WWP2: variants seen among roughly 807,000 people sequenced by gnomAD.
WWP2 encodes NEDD4-like E3 ubiquitin-protein ligase WWP2.
In WWP2, 57 loss-of-function variants were observed where a neutral mutation model predicts 121.0. The ratio of observed to expected loss-of-function variants is 0.47; its 90% CI spans 0.38 to 0.59. The LOEUF (loss-of-function observed/expected upper bound fraction) is 0.59, where lower values mean the gene tolerates loss of function less well. Ranked by LOEUF, WWP2 falls within the 20% of genes least tolerant of loss-of-function variation. The pLI is 0.00. For missense variants in WWP2, 962 were observed against 1,158.9 expected (o/e 0.83, Z 2.47); for synonymous variants, 449 against 441.3 (o/e 1.02, Z -0.22).
chr16:69,841,728 A>C (rs1286879639), intron 5 of WWP2, among the ~76,000 whole-genome samples: 1 of 152,188 alleles, frequency 6.6e-6, no homozygotes, highest in Non-Finnish European at 1.5e-5. Flanking sequence ...TTTGAGGCTC[A>C]GATTCATTTA....
chr16:69,889,146 T>TACACACAC (rs143311481), intron 8 of WWP2, among the ~76,000 whole-genome samples: 1,507 of 146,220 alleles, frequency 0.01, 26 homozygotes, highest in African/African-American at 0.034. Context: ...ATATCCTGCC[T>TACACACAC]ACACACACAC....
chr16:69,861,200 C>G (rs2057411637), intron 6 of WWP2, among the ~76,000 whole-genome samples: 1 of 152,204 alleles, frequency 6.6e-6, no homozygotes. Context: ...TTCAGGGTAC[C>G]TCAAGCCATC....
chr16:69,883,678 A>C (rs2151932778), intron 7 of WWP2, among the ~76,000 whole-genome samples: 1 of 152,256 alleles, frequency 6.6e-6, no homozygotes, highest in South Asian at 2.1e-4. Flanking sequence ...TCACCTAGGT[A>C]TTAAGCCCAG....
At chr16:69,789,793 T>C (rs769063026) in intron 2 of WWP2, among the ~76,000 whole-genome samples, 1 of 152,226 alleles carries the variant, frequency 6.6e-6, no homozygotes, top group Non-Finnish European at 1.5e-5. Flanking sequence ...AGTGTAGTTT[T>C]ATTTCCCACT....
At chr16:69,829,593 G>A (rs1411284802) in intron 4 of WWP2, among the ~76,000 whole-genome samples, 1 of 152,154 alleles carries the variant, frequency 6.6e-6, no homozygotes, top group Non-Finnish European at 1.5e-5. Context: ...CCTGCTAGCT[G>A]TCTTCTTGAA....
chr16:69,886,892 G>T (rs778669294), intron 7 of WWP2, among the ~76,000 whole-genome samples: 5 of 152,170 alleles, frequency 3.3e-5, no homozygotes, highest in Non-Finnish European at 5.9e-5. Flanking sequence ...ACAACAAAAA[G>T]AATTTCTGCA....
intron 1 of WWP2, among the ~76,000 whole-genome samples, chr16:69,768,942 A>G (rs1424993458): frequency 6.6e-6 from 1 of 152,228 alleles, no homozygotes; most frequent in Non-Finnish European, 1.5e-5. Flanking sequence ...AGGCCAAGAA[A>G]GAAGCATTAG....
chr16:69,804,674 A>G (rs1346853541), intron 4 of WWP2, among the ~76,000 whole-genome samples: 1 of 152,098 alleles, frequency 6.6e-6, no homozygotes, highest in African/African-American at 2.4e-5. Flanking sequence ...TCACTAGATG[A>G]ACCTTAACAG....
intron 1 of WWP2, chr16:69,776,279 A>G (rs780163637): frequency 3.9e-5 from 6 of 152,180 alleles, no homozygotes; most frequent in Non-Finnish European, 8.8e-5. Flanking sequence ...TTCCCTGGAG[A>G]GTAGGCCATT....
At chr16:69,921,969 G>T (rs984623179) in intron 10 of WWP2, among the ~76,000 whole-genome samples, 1 of 151,798 alleles carries the variant, frequency 6.6e-6, no homozygotes, top group Non-Finnish European at 1.5e-5. Flanking sequence ...AGCTACTTGG[G>T]AGGCTGAGGC....
chr16:69,880,309 C>G (rs1285256809), intron 7 of WWP2, among the ~76,000 whole-genome samples: 1 of 151,920 alleles, frequency 6.6e-6, no homozygotes, highest in African/African-American at 2.4e-5. Context: ...AACATTCTTA[C>G]ATACAGTGAG....
intron 10 of WWP2, among the ~76,000 whole-genome samples, chr16:69,923,320 T>TGG (rs1555504308): frequency 0.42 from 14,114 of 33,370 alleles, 1,124 homozygotes; most frequent in East Asian, 0.59. Context: ...GTTGGGGGGG[T>TGG]GGGGGGGGTG....
rs2058624491 is a variant in WWP2, at chr16:69,925,329, T to C, written c.1180-101T>C. On this transcript the variant is annotated intron_variant, in intron 10 of 23. Transcript: ENST00000359154. This position sits in a 1 kb window ranked among gnomAD's most constrained non-coding sequence, Gnocchi z 4.0. ...GCATTCCCTGCAAAGCGCTCAAATGTGGAAGCCAGTCATTGGCATTTTTAT... is the reference window on the plus strand; with the variant it reads ...GCATTCCCTGCAAAGCGCTCAAATGCGGAAGCCAGTCATTGGCATTTTTAT... 1 of 1,557,698 alleles carries C rather than the reference T, an allele frequency of 6.4e-7. No individual in the cohort carries two copies. The highest frequency in any genetic ancestry group is 2.3e-5 in the East Asian group (1 of 44,078).
At chr16:69,897,787 A>G (rs1597127595) in intron 8 of WWP2, among the ~76,000 whole-genome samples, 2 of 152,048 alleles carry the variant, frequency 1.3e-5, no homozygotes, top group Non-Finnish European at 2.9e-5. Context: ...GCATGCCTGT[A>G]GTCCCAGCTA....
intron 4 of WWP2, among the ~76,000 whole-genome samples, chr16:69,817,090 C>G (rs2056507140): frequency 6.6e-6 from 1 of 152,300 alleles, no homozygotes; most frequent in African/African-American, 2.4e-5. Flanking sequence ...GTAATATAGC[C>G]ACTGTTTTGG....
intron 6 of WWP2, among the ~76,000 whole-genome samples, chr16:69,861,425 G>T (rs2057418461): frequency 6.6e-6 from 1 of 152,102 alleles, no homozygotes; most frequent in South Asian, 2.1e-4. Flanking sequence ...GTACTCTAGG[G>T]TGCGCAAAAG....
intron 19 of WWP2, 103 bp downstream of exon 19, chr16:69,936,555 A>G: frequency 6.6e-7 from 1 of 1,514,398 alleles, no homozygotes; most frequent in Admixed American, 1.9e-5. Flanking sequence ...GTCACTGTGG[A>G]TGCCATTTGC....
intron 8 of WWP2, among the ~76,000 whole-genome samples, chr16:69,894,711 G>A (rs775978126): frequency 2.0e-5 from 3 of 152,184 alleles, no homozygotes; most frequent in Non-Finnish European, 2.9e-5. Context: ...TTGGTCTGCA[G>A]GCCCTGTATC....
chr16:69,897,266 C>A (rs2058119993), intron 8 of WWP2, among the ~76,000 whole-genome samples: 1 of 152,044 alleles, frequency 6.6e-6, no homozygotes, highest in African/African-American at 2.4e-5. Flanking sequence ...CCATGCCAGG[C>A]TAATTTTTAT....
Sources: allele counts gnomAD v4.1 joint callset (sites outside exome capture counted in the v4.1 genomes callset), GRCh38; gene constraint gnomAD v4.1.1; non-coding constraint Gnocchi (gnomAD v3.1); transcripts MANE v1.5; gene names NCBI Gene and HGNC (gene_info 2026-07-23, HGNC 2026-07-21).